The following CERT1 variants were observed in gnomAD, a reference collection of about 807,000 sequenced individuals.
The protein encoded by CERT1 is ceramide transporter 1, also known as ceramide transfer protein.
In CERT1, 31 loss-of-function variants were observed where a neutral mutation model predicts 87.9. The observed-to-expected ratio is 0.35, with a 90% CI of 0.27 to 0.48. CERT1 has a LOEUF of 0.48. Among genes scored for constraint, CERT1 ranks in the 20% least tolerant of loss-of-function variants. The pLI is 0.99. For missense variants in CERT1, 487 were observed against 758.0 expected, an observed-to-expected ratio of 0.64 and a Z score of 4.20; for synonymous variants, 289 against 250.9, an observed-to-expected ratio of 1.15 and a Z score of -1.44.
intron 5 of CERT1, among the ~76,000 whole-genome samples, chr5:75,420,572 T>G (rs1033308031): frequency 1.3e-5 from 2 of 152,156 alleles, no homozygotes; most frequent in South Asian, 4.1e-4. Flanking sequence ...GGTCTCAATC[T>G]CCTGACCATG....
At chr5:75,474,474 TAGA>T (rs1765865846) in intron 2 of CERT1, among the ~76,000 whole-genome samples, 1 of 152,124 alleles carries the variant, frequency 6.6e-6, no homozygotes, top group Admixed American at 6.5e-5. Context: ...CTTAATCAAG[TAGA>T]AGATCTGTTC....
In CERT1 at chr5:75,462,236, A is replaced by G. The variant is rs139793079; in HGVS notation, c.232-3055T>C. On this transcript the variant is annotated intron_variant, in intron 2 of 16. Transcript: ENST00000643780. ...TGAGAGGTGATAAATATAAGATATG[A>G]TCTAAGGCAGCAGTCCACAAACTTT... Among the ~76,000 whole-genome samples, 11 of 151,988 alleles carry G rather than the reference A, an allele frequency of 7.2e-5. No homozygotes were observed. The East Asian group carries it at 2.1e-3, about 29-fold the overall frequency.
chr5:75,459,309 C>T, intron 2 of CERT1, 128 bp from the exon 3 acceptor site: 1 of 601,808 alleles, frequency 1.7e-6, no homozygotes, highest in Non-Finnish European at 3.0e-6. Flanking sequence ...TATTTTTCTG[C>T]TCAAATAACT....
chr5:75,380,692 C>T (rs1425155107), intron 16 of CERT1, among the ~76,000 whole-genome samples: 2 of 148,876 alleles, frequency 1.3e-5, no homozygotes, highest in African/African-American at 2.5e-5. Flanking sequence ...GGCAGAGAAT[C>T]GCTTGAACCC....
intron 2 of CERT1, among the ~76,000 whole-genome samples, chr5:75,504,359 C>T (rs911174567): frequency 2.0e-5 from 3 of 152,084 alleles, no homozygotes; most frequent in African/African-American, 7.2e-5. Flanking sequence ...AAAATTGTCT[C>T]TAAGAATAGA....
intron 2 of CERT1, among the ~76,000 whole-genome samples, chr5:75,467,951 T>C (rs1307492606): frequency 1.3e-5 from 2 of 152,214 alleles, no homozygotes; most frequent in Non-Finnish European, 2.9e-5. Flanking sequence ...CAATTACTTC[T>C]AAATTTTACA....
intron 1 of CERT1, among the ~76,000 whole-genome samples, chr5:75,508,274 AGAGTT>A (rs1377344823): frequency 6.6e-6 from 1 of 150,682 alleles, no homozygotes; most frequent in African/African-American, 2.4e-5. Context: ...AAATTCTCTT[AGAGTT>A]AAGTTTAAAC....
intron 3 of CERT1, among the ~76,000 whole-genome samples, chr5:75,433,788 C>A (rs540175097): frequency 6.6e-6 from 1 of 152,182 alleles, no homozygotes; most frequent in East Asian, 1.9e-4. Context: ...TCCCAAGGGG[C>A]TGGGATTACA....
chr5:75,510,733 G>A (rs1767914992), intron 1 of CERT1, among the ~76,000 whole-genome samples: 2 of 152,092 alleles, frequency 1.3e-5, no homozygotes, highest in South Asian at 4.2e-4. Flanking sequence ...CATCCTCAGA[G>A]AGACCAACCT....
At chr5:75,456,833 T>C (rs76899104) in intron 3 of CERT1, among the ~76,000 whole-genome samples, 2,546 of 152,150 alleles carry the variant, frequency 0.017, 77 homozygotes, top group African/African-American at 0.058. Context: ...TGTTCAAAGA[T>C]GTAAAGAAAT....
intron 2 of CERT1, among the ~76,000 whole-genome samples, chr5:75,501,453 C>A: frequency 6.6e-6 from 1 of 152,084 alleles, no homozygotes. Flanking sequence ...AAGGCAGATG[C>A]CTAAGGTGAG....
intron 2 of CERT1, among the ~76,000 whole-genome samples, chr5:75,463,367 C>T (rs1300263709): frequency 2.0e-5 from 3 of 151,992 alleles, no homozygotes; most frequent in Non-Finnish European, 4.4e-5. Flanking sequence ...ATGATTTCAA[C>T]CCTCCCGAAG....
intron 8 of CERT1, among the ~76,000 whole-genome samples, chr5:75,407,472 TA>T (rs546897411): frequency 0.04 from 4,356 of 107,638 alleles, 145 homozygotes; most frequent in African/African-American, 0.11. Flanking sequence ...GGAAAAAAAT[TA>T]AAAAAAAAAA....
chr5:75,374,198 GAAAAAAAA>G, downstream of CERT1: 2 of 303,514 alleles, frequency 6.6e-6, no homozygotes, highest in Non-Finnish European at 1.1e-5. Context: ...GTCACTGAAG[GAAAAAAAA>G]AAAAAAAAAA....
chr5:75,373,523 T>C (rs1761158194), downstream of CERT1: 1 of 152,164 alleles, frequency 6.6e-6, no homozygotes, highest in Non-Finnish European at 1.5e-5. Context: ...ATAAAGCTTT[T>C]CACTTTCTCC....
chr5:75,381,071 C>T lies in CERT1; in HGVS notation c.1747+1G>A. ...AAGAGCAAAAACAATAAAATACATA[C>T]CATTAGCTACATATGTAATCTTGCA... On this transcript the variant is annotated splice_donor_variant, in intron 16 of 16. Coordinates refer to ENST00000643780, the MANE Select transcript of CERT1 (RefSeq NM_001379029.1). LOFTEE classifies it high-confidence loss of function. 6.2e-7 allele frequency: 1 copy of T among 1,613,940 alleles called. No individual in the cohort carries two copies. The highest frequency in any genetic ancestry group is 8.5e-7 in the Non-Finnish European group (1 of 1,179,908).
chr5:75,434,315 T>C (rs1165536863), intron 3 of CERT1, among the ~76,000 whole-genome samples: 1 of 151,990 alleles, frequency 6.6e-6, no homozygotes, highest in Non-Finnish European at 1.5e-5. Flanking sequence ...TTGATTTGCA[T>C]ATGGTGAAAC....
At chr5:75,480,736 T>C (rs181303571) in intron 2 of CERT1, among the ~76,000 whole-genome samples, 1 of 152,298 alleles carries the variant, frequency 6.6e-6, no homozygotes, top group East Asian at 1.9e-4. Context: ...ATGGTAACAA[T>C]ACAGTTGCTT....
At chr5:75,414,893 A>G (rs1212028474) in intron 7 of CERT1, among the ~76,000 whole-genome samples, 1 of 152,140 alleles carries the variant, frequency 6.6e-6, no homozygotes, top group East Asian at 1.9e-4. Context: ...CAGCAGGCAC[A>G]CACCTGAATG....
Sources: gnomAD v4.1 joint callset for allele counts (sites outside exome capture counted in the v4.1 genomes callset) on GRCh38, gnomAD v4.1.1 for gene constraint, MANE v1.5 for transcripts, NCBI Gene and HGNC (gene_info 2026-07-23, HGNC 2026-07-21) for gene names.